The following RFC1 variants were observed in gnomAD, a reference collection of about 807,000 sequenced individuals.
RFC1 encodes the protein A1 140 kDa subunit.
In RFC1, 37 loss-of-function variants were observed where a neutral mutation model predicts 137.4. The ratio of observed to expected loss-of-function variants is 0.27; its 90% CI spans 0.21 to 0.35. RFC1 has a LOEUF of 0.35. Ranked by LOEUF, RFC1 falls within the 10% of genes least tolerant of loss-of-function variation. The probability of loss-of-function intolerance (pLI) is 1.00; values close to 1 mark genes in which losing one functional copy is unlikely to be tolerated. For synonymous variants in RFC1, 429 were observed against 455.7 expected, an observed-to-expected ratio of 0.94 and a Z score of 0.75; for missense variants, 1,205 against 1,358.5, an observed-to-expected ratio of 0.89 and a Z score of 1.78.
Position 39,308,881 on chromosome 4 carries a change from T to C in RFC1, c.1640A>G (p.Asp547Gly), listed in dbSNP as rs1432677571. 1 of 1,614,178 alleles carries C rather than the reference T, an allele frequency of 6.2e-7. No homozygotes were observed. Among genetic ancestry groups the C allele is most frequent in the Non-Finnish European group, 8.5e-7 (1 of 1,180,028 alleles). The change falls in exon 13 of 25, where the codon GAT becomes GGT. Residue 547 changes from aspartate to glycine, a missense_variant. By Grantham distance (94) the Asp-to-Gly change is moderately conservative (BLOSUM62 -1). Around this residue, in one of 3 missense-constraint regions of RFC1, gnomAD observed 962 missense variants for 1,035.3 expected, o/e 0.93. Coordinates refer to ENST00000349703, the MANE Select transcript of RFC1 (RefSeq NM_002913.5). Reference protein sequence around the residue: ...SLAKTIKKETDVFWKSLDFKE... With the variant: ...SLAKTIKKETGVFWKSLDFKE... ...GAAATCCAGGCTTTTCCAAAACACA[T>C]CTGTTTCCTTTTTTATTGTCTTTGC...
At position 39,304,958 on chromosome 4, in the gene RFC1, C is replaced by T. The variant is rs373779788; in HGVS notation, c.1996-30G>A. On this transcript the variant is annotated intron_variant, in intron 14 of 24. Transcript: ENST00000349703. ...TCAAAATATTGGAAACCACTGAAGG[C>T]ACAATACAAATTAACTCCACCACCC... is the stretch of plus-strand genomic sequence containing the variant. 27 of 1,336,712 alleles carry T rather than the reference C, an allele frequency of 2.0e-5. 1 individual carries two copies. The South Asian group carries it at 2.5e-4, about 12-fold the overall frequency. 82.8% of individuals were successfully genotyped at this position (1,336,712 alleles called of 1,614,324 possible).
In RFC1 at chr4:39,300,256, T is replaced by C. The variant is rs772040398; in HGVS notation, c.2690+4A>G. 3 of 1,613,964 alleles carry C rather than the reference T, an allele frequency of 1.9e-6. No homozygotes were observed. Among genetic ancestry groups the C allele is most frequent in the African/African-American group, 2.7e-5 (2 of 74,906 alleles). The stretch of plus-strand genomic sequence containing the variant: ...CACACCTCTCACCAGCTCTGGACAC[T>C]CACCCTGCTGCTACAGGCTTCACGT... On this transcript the variant is annotated splice_donor_region_variant and intron_variant, in intron 20 of 24. Coordinates refer to ENST00000349703, the MANE Select transcript of RFC1 (RefSeq NM_002913.5).
intron 4 of RFC1, among the ~76,000 whole-genome samples, chr4:39,340,215 G>A (rs1402050755): frequency 6.6e-6 from 1 of 152,176 alleles, no homozygotes; most frequent in Non-Finnish European, 1.5e-5. Flanking sequence ...ACCAAAGGTT[G>A]TTTTTAAAGT....
chr4:39,306,845 C>T (rs1738694384), intron 13 of RFC1, 144 bp from the exon 14 acceptor site: 2 of 619,296 alleles, frequency 3.2e-6, no homozygotes, highest in Non-Finnish European at 5.8e-6. Flanking sequence ...TTCTACAAAG[C>T]ATAAACAAGT....
intron 3 of RFC1, among the ~76,000 whole-genome samples, chr4:39,344,508 T>C (rs1740753086): frequency 6.6e-6 from 1 of 152,212 alleles, no homozygotes; most frequent in African/African-American, 2.4e-5. Context: ...ATGCCTGTAA[T>C]CCCAAGACTT....
chr4:39,310,811 T>A (rs1738927805), intron 12 of RFC1, among the ~76,000 whole-genome samples: 2 of 152,200 alleles, frequency 1.3e-5, no homozygotes, highest in African/African-American at 4.8e-5. Flanking sequence ...AAATATCCTT[T>A]AAGGAACTCT....
At position 39,309,027 on chromosome 4, in the gene RFC1, C is replaced by T. The variant is rs1383498469; in HGVS notation, c.1494G>A (p.Lys498=). ...GTGTTCTCTCCAGTTTGGACTCTTTCTTCATCTTAAGAAGTGGAAAAATGA... is the reference window on the plus strand; with the variant it reads ...GTGTTCTCTCCAGTTTGGACTCTTTTTTCATCTTAAGAAGTGGAAAAATGA... ...KYEIAVETEM[K]KESKLERTPQ... is the part of the protein sequence containing the mutation. Residue 498 remains lysine (K), a synonymous_variant, in exon 13 of 25, where the codon AAG becomes AAA. Coordinates refer to ENST00000349703, the MANE Select transcript of RFC1 (RefSeq NM_002913.5). The T allele has an allele frequency of 1.6e-5, 26 of 1,589,860 alleles. No individual in the cohort carries two copies. Among genetic ancestry groups the T allele is most frequent in the Non-Finnish European group, 1.9e-5 (22 of 1,173,654 alleles).
Position 39,366,272 on chromosome 4 carries a change from T to G in RFC1, c.-31A>C. ...CCCCAGGATGAAGGCGCTGGCTGGC[T>G]GGCGGGTGGGCCGGTTGAGGAATCT... is the stretch of plus-strand genomic sequence containing the variant. On this transcript the variant is annotated 5_prime_UTR_variant, in exon 1 of 25. Coordinates refer to ENST00000349703, the MANE Select transcript of RFC1 (RefSeq NM_002913.5). 1.3e-6 allele frequency: 2 copies of G among 1,530,454 alleles called. No homozygotes were observed. The highest frequency in any genetic ancestry group is 5.0e-5 in the East Asian group (2 of 39,946). The allele number at this position is 1,530,454 out of a possible 1,614,324, so 94.8% of individuals were successfully genotyped here. A position where few individuals can be genotyped will look rare whatever the true frequency, so the allele number is the denominator to read the frequency against.
At chr4:39,306,032 G>A (rs774930837) in intron 14 of RFC1, among the ~76,000 whole-genome samples, 2 of 152,162 alleles carry the variant, frequency 1.3e-5, no homozygotes, top group South Asian at 2.1e-4. Context: ...ATACTAACAC[G>A]TGAACTCTGA....
chr4:39,311,789 C>T (rs1424965464), intron 11 of RFC1, among the ~76,000 whole-genome samples: 4 of 152,188 alleles, frequency 2.6e-5, no homozygotes, highest in African/African-American at 4.8e-5. Context: ...GGGAAGTGGT[C>T]CATTTCTACT....
At chr4:39,301,536 A>G (rs564439404) in intron 19 of RFC1, among the ~76,000 whole-genome samples, 2 of 152,326 alleles carry the variant, frequency 1.3e-5, no homozygotes, top group African/African-American at 4.8e-5. Context: ...TGAGGGGGAC[A>G]TGAAGTATGT....
At chr4:39,353,152 G>C (rs1741291420) in intron 1 of RFC1, among the ~76,000 whole-genome samples, 1 of 151,932 alleles carries the variant, frequency 6.6e-6, no homozygotes, top group African/African-American at 2.4e-5. Flanking sequence ...TATAATCCCA[G>C]TACTTTAGGA....
chr4:39,301,275 G>C (rs1046033553), intron 19 of RFC1, among the ~76,000 whole-genome samples: 9 of 152,188 alleles, frequency 5.9e-5, no homozygotes, highest in Non-Finnish European at 1.5e-5. Context: ...AGGGGTTGTA[G>C]GGAGGAAAGC....
At chr4:39,322,911 C>T (rs939834316) in intron 7 of RFC1, among the ~76,000 whole-genome samples, 2 of 151,684 alleles carry the variant, frequency 1.3e-5, no homozygotes, top group African/African-American at 4.8e-5. Context: ...TAACAAAACC[C>T]CCTCTCTACA....
intron 4 of RFC1, among the ~76,000 whole-genome samples, chr4:39,334,494 T>C (rs1740258328): frequency 6.6e-6 from 1 of 152,242 alleles, no homozygotes. Context: ...GATCCTCATG[T>C]AAAATAAATA....
intron 2 of RFC1, among the ~76,000 whole-genome samples, chr4:39,346,652 T>TGA (rs1740877074): frequency 6.6e-6 from 1 of 152,166 alleles, no homozygotes; most frequent in South Asian, 2.1e-4. Flanking sequence ...CTATCCATTA[T>TGA]AATAAAACTT....
intron 15 of RFC1, 34 bp from the exon 16 acceptor site, chr4:39,303,185 AAAAC>A: frequency 7.1e-7 from 1 of 1,415,940 alleles, no homozygotes; most frequent in Non-Finnish European, 1.0e-6. Context: ...GGATGAGACA[AAAAC>A]AAAATAACAA....
rs1320099821 is a variant in RFC1 at position 39,305,002 on chromosome 4, TAAGA to T, written c.1996-78_1996-75del. On this transcript the variant is annotated intron_variant, in intron 14 of 24. Coordinates refer to ENST00000349703, the MANE Select transcript of RFC1 (RefSeq NM_002913.5). ...ACCACCCCCGCCAAGAAAGGCCAGT[TAAGA>T]AAGAAAGAAGGTACAAAATTAATAT... is the stretch of plus-strand genomic sequence containing the variant. 4 of 845,716 alleles carry T rather than the reference TAAGA, an allele frequency of 4.7e-6. No individual in the cohort carries two copies. In the Admixed American group the frequency reaches 7.1e-5, roughly 15 times the overall value. 52.4% of individuals were successfully genotyped at this position (845,716 alleles called of 1,614,324 possible). A position where few individuals can be genotyped will look rare whatever the true frequency, so the allele number is the denominator to read the frequency against.
At chr4:39,366,011 G>A (rs1028051061) in intron 1 of RFC1, among the ~76,000 whole-genome samples, 1 of 152,150 alleles carries the variant, frequency 6.6e-6, no homozygotes, top group African/African-American at 2.4e-5. Flanking sequence ...GCAAGTACAC[G>A]TAGCAACAAA....
Sources: allele counts gnomAD v4.1 joint callset (sites outside exome capture counted in the v4.1 genomes callset), GRCh38; gene constraint gnomAD v4.1.1; regional missense constraint gnomAD v4.1.1; transcripts MANE v1.5; gene names NCBI Gene and HGNC (gene_info 2026-07-23, HGNC 2026-07-21).